The following CSMD1 variants were observed in gnomAD, a reference collection of about 807,000 sequenced individuals.
CSMD1 encodes CUB and Sushi multiple domains 1, also known as CUB and sushi domain-containing protein 1.
Under a neutral mutation model 417.5 loss-of-function variants are expected in CSMD1, and 213 were observed. The ratio of observed to expected loss-of-function variants is 0.51; its 90% CI spans 0.46 to 0.57. CSMD1 has a LOEUF of 0.57. Ranked by LOEUF, CSMD1 falls within the 20% of genes least tolerant of loss-of-function variation. The pLI is 0.00. For missense variants in CSMD1, 6,923 were observed against 4,529.7 expected, an observed-to-expected ratio of 1.53 and a Z score of -15.17; for synonymous variants, 2,862 against 1,736.8, an observed-to-expected ratio of 1.65 and a Z score of -16.11.
chr8:3,222,809 A>C (rs969408847), intron 28 of CSMD1, among the ~76,000 whole-genome samples: 6 of 152,334 alleles, frequency 3.9e-5, no homozygotes, highest in Non-Finnish European at 2.9e-5. Context: ...AAAGATGACT[A>C]TCAACCAACT....
chr8:4,323,863 G>T (rs945791813), intron 3 of CSMD1, among the ~76,000 whole-genome samples: 5 of 152,030 alleles, frequency 3.3e-5, no homozygotes, highest in African/African-American at 1.2e-4. Context: ...TTAGCTTAAG[G>T]CAACTTCTAT....
At chr8:4,941,858 C>G (rs754550871) in intron 1 of CSMD1, among the ~76,000 whole-genome samples, 3 of 152,174 alleles carry the variant, frequency 2.0e-5, no homozygotes, top group Admixed American at 6.5e-5. Flanking sequence ...CCTCAGCCTA[C>G]CAAAGTGCTA....
chr8:4,825,643 A>G (rs1050057231), intron 1 of CSMD1, among the ~76,000 whole-genome samples: 4 of 152,088 alleles, frequency 2.6e-5, no homozygotes, highest in African/African-American at 9.7e-5. Flanking sequence ...CAAACTAAAA[A>G]GCTTCTGCAC....
At chr8:3,841,324 G>C (rs2129094314) in intron 5 of CSMD1, among the ~76,000 whole-genome samples, 1 of 152,176 alleles carries the variant, frequency 6.6e-6, no homozygotes, top group African/African-American at 2.4e-5. Flanking sequence ...AAAATAAATT[G>C]GCATCAAGTG....
At chr8:2,955,526 T>C in intron 64 of CSMD1, 63 bp downstream of exon 64, 19 of 1,539,846 alleles carry the variant, frequency 1.2e-5, no homozygotes, top group Non-Finnish European at 1.5e-5. Context: ...ACTAGCCTGA[T>C]GGGCAGCTGA....
At chr8:4,282,462 G>A (rs903026755) in intron 3 of CSMD1, among the ~76,000 whole-genome samples, 1 of 152,104 alleles carries the variant, frequency 6.6e-6, no homozygotes, top group African/African-American at 2.4e-5. Flanking sequence ...ACGGAATGGT[G>A]CCATTTTTGC....
At chr8:4,847,562 G>C (rs1041993277) in intron 1 of CSMD1, among the ~76,000 whole-genome samples, 3 of 152,066 alleles carry the variant, frequency 2.0e-5, no homozygotes, top group African/African-American at 7.2e-5. Context: ...TTTTATTAAA[G>C]AGTCCATACT....
At chr8:4,318,045 T>C (rs1799038080) in intron 3 of CSMD1, among the ~76,000 whole-genome samples, 1 of 152,178 alleles carries the variant, frequency 6.6e-6, no homozygotes, top group Non-Finnish European at 1.5e-5. Context: ...TATATAAAAT[T>C]GTGCGTTCGT....
At chr8:3,409,745 A>T (rs1466419628) in intron 12 of CSMD1, 140 bp from the exon 13 acceptor site, 3 of 620,968 alleles carry the variant, frequency 4.8e-6, no homozygotes, top group African/African-American at 3.7e-5. Flanking sequence ...AAGGATATTC[A>T]ATTGATCTTA....
Position 3,755,544 on chromosome 8 carries a change from G to A in CSMD1, c.819-1502C>T, listed in dbSNP as rs111379611. On this transcript the variant is annotated intron_variant, in intron 5 of 69. Coordinates refer to ENST00000635120, the MANE Select transcript of CSMD1 (RefSeq NM_033225.6). ...GCTGCGTGTGGGCCTGCCTGTGAGC[G>A]CCGCAGCTGCTTGGTAAAGCTGAGG... Among the ~76,000 whole-genome samples, 1,481 of 152,230 alleles carry A rather than the reference G, an allele frequency of 9.7e-3. 20 individuals are homozygous for A. The highest frequency in any genetic ancestry group is 0.035 in the East Asian group (180 of 5,178).
At chr8:4,717,402 CATATAT>C (rs1287807034) in intron 1 of CSMD1, among the ~76,000 whole-genome samples, 12 of 149,142 alleles carry the variant, frequency 8.0e-5, no homozygotes, top group Non-Finnish European at 1.2e-4. Flanking sequence ...TACATATATA[CATATAT>C]ACACACACAC....
intron 7 of CSMD1, among the ~76,000 whole-genome samples, chr8:3,650,196 T>C (rs1411854355): frequency 6.6e-6 from 1 of 152,034 alleles, no homozygotes. Flanking sequence ...GGAGAATTGC[T>C]TGAACCCAGA....
intron 26 of CSMD1, among the ~76,000 whole-genome samples, chr8:3,261,330 T>G (rs1230538662): frequency 6.6e-6 from 1 of 152,174 alleles, no homozygotes; most frequent in Non-Finnish European, 1.5e-5. Flanking sequence ...AACATTCAAT[T>G]CTGCAATTGC....
At chr8:3,301,644 C>G (rs767063445) in intron 25 of CSMD1, among the ~76,000 whole-genome samples, 29 of 152,130 alleles carry the variant, frequency 1.9e-4, no homozygotes, top group Non-Finnish European at 4.1e-4. Flanking sequence ...AGAGATCAGT[C>G]AAGCTTTCTT....
At chr8:3,079,937 C>T (rs1268425408) in intron 49 of CSMD1, among the ~76,000 whole-genome samples, 1 of 152,144 alleles carries the variant, frequency 6.6e-6, no homozygotes. Flanking sequence ...CCGTCCTTGG[C>T]CATGCTATGT....
intron 3 of CSMD1, among the ~76,000 whole-genome samples, chr8:4,399,637 G>A (rs1358545536): frequency 6.6e-6 from 1 of 151,928 alleles, no homozygotes; most frequent in African/African-American, 2.4e-5. Context: ...TGTCAACAAT[G>A]TGAATTTCAA....
At chr8:3,296,589 C>T (rs941993753) in intron 25 of CSMD1, among the ~76,000 whole-genome samples, 6 of 152,150 alleles carry the variant, frequency 3.9e-5, no homozygotes, top group Non-Finnish European at 7.3e-5. Context: ...AAATGACACT[C>T]TGTCAACGTT....
chr8:3,257,130 T>C (rs1800710827), intron 26 of CSMD1, among the ~76,000 whole-genome samples: 1 of 152,196 alleles, frequency 6.6e-6, no homozygotes, highest in South Asian at 2.1e-4. Context: ...GAGACCAGCC[T>C]GGCCAACATG....
intron 3 of CSMD1, among the ~76,000 whole-genome samples, chr8:4,321,268 C>T (rs748449484): frequency 6.6e-6 from 1 of 152,088 alleles, no homozygotes; most frequent in African/African-American, 2.4e-5. Flanking sequence ...TGATCATCCT[C>T]GGTGTGTTGG....
Sources: gnomAD v4.1 joint callset for allele counts (sites outside exome capture counted in the v4.1 genomes callset) on GRCh38, gnomAD v4.1.1 for gene constraint, MANE v1.5 for transcripts, NCBI Gene and HGNC (gene_info 2026-07-23, HGNC 2026-07-21) for gene names.